Variants in COPG2 observed in about 807,000 individuals in gnomAD.
The protein encoded by COPG2 is coat protein complex I subunit gamma 2.
COPG2 carries 37 observed loss-of-function variants against 46.3 expected under a neutral mutation model. The observed-to-expected ratio is 0.80, with a 90% CI of 0.61 to 1.05. COPG2 has a LOEUF of 1.05. Ranked by LOEUF, COPG2 falls within the 50% of genes least tolerant of loss-of-function variation. The pLI, the probability that COPG2 is intolerant of heterozygous loss-of-function variation, is 0.00. For synonymous variants in COPG2, 159 were observed against 129.7 expected (o/e 1.23, Z -1.53); for missense variants, 427 against 387.8 (o/e 1.10, Z -0.85).
intron 9 of COPG2, among the ~76,000 whole-genome samples, chr7:130,579,737 C>A (rs1260131196): frequency 8.4e-4 from 127 of 150,788 alleles, no homozygotes; most frequent in African/African-American, 2.8e-3. Context: ...CAACAAAGAT[C>A]AAAAGAGACA....
At chr7:130,608,100 T>A in intron 9 of COPG2, 2 of 353,762 alleles carry the variant, frequency 5.7e-6, no homozygotes, top group African/African-American at 2.1e-5. Flanking sequence ...TCTGTTGACA[T>A]TTAAGATCTA....
rs1383760498 is a variant in COPG2, at chr7:130,531,810, C to T, written c.2149+15864G>A. On this transcript the variant is annotated intron_variant, in intron 20 of 23. Transcript: ENST00000425248. ...GGTGGTCGCAGGGAGTCAAGGTGGC[C>T]GTCCACAGCAGTGATTCTTATCTGG... Among the ~76,000 whole-genome samples the T allele has an allele frequency of 9.0e-3, 1,248 of 138,526 alleles. 4 individuals carry two copies. Among genetic ancestry groups the T allele is most frequent in the South Asian group, 0.014 (60 of 4,174 alleles). 90.9% of individuals were successfully genotyped at this position (138,526 alleles called of 152,430 possible). A position where few individuals can be genotyped will look rare whatever the true frequency, so the allele number is the denominator to read the frequency against.
At chr7:130,537,595 C>A (rs1799893767) in intron 20 of COPG2, among the ~76,000 whole-genome samples, 1 of 151,462 alleles carries the variant, frequency 6.6e-6, no homozygotes, top group African/African-American at 2.4e-5. Flanking sequence ...TATGGGAGAG[C>A]AGGACAGAGG....
rs996872310 is a variant in COPG2, at chr7:130,534,892, G to A, written c.2149+12782C>T. On this transcript the variant is annotated intron_variant, in intron 20 of 23. Transcript: ENST00000425248. ...GAAAGGAGGAAGAGGAGGAAGTAGC[G>A]GGACTGGCTATAGAGTTTTGTAGGA... 3.9e-5 allele frequency among the ~76,000 whole-genome samples: 6 copies of A among 152,048 alleles called. No homozygotes were observed. The South Asian group carries it at 1.0e-3, about 26-fold the overall frequency.
At chr7:130,659,629 G>A (rs552023711) in intron 4 of COPG2, among the ~76,000 whole-genome samples, 5 of 152,108 alleles carry the variant, frequency 3.3e-5, no homozygotes, top group Admixed American at 2.0e-4. Flanking sequence ...TATAAACACT[G>A]CAGGCTGGGT....
At chr7:130,639,184 C>A (rs1584600316) in intron 5 of COPG2, among the ~76,000 whole-genome samples, 1 of 152,334 alleles carries the variant, frequency 6.6e-6, no homozygotes, top group East Asian at 1.9e-4. Flanking sequence ...GGCCATCTTG[C>A]CAGCCACACC....
chr7:130,623,384 A>G (rs1795068687), intron 5 of COPG2, among the ~76,000 whole-genome samples: 1 of 152,146 alleles, frequency 6.6e-6, no homozygotes, highest in Non-Finnish European at 1.5e-5. Context: ...AGGTGACCAC[A>G]TTATAGAGTC....
intron 2 of COPG2, 28 bp from the exon 3 acceptor site, chr7:130,666,957 A>G (rs371888037): frequency 1.8e-5 from 22 of 1,223,256 alleles, no homozygotes; most frequent in East Asian, 1.2e-4. Flanking sequence ...AAACATTGCT[A>G]CTTTTCTACC....
intron 5 of COPG2, among the ~76,000 whole-genome samples, chr7:130,640,070 T>A (rs1795433547): frequency 6.6e-6 from 1 of 150,954 alleles, no homozygotes; most frequent in African/African-American, 2.4e-5. Context: ...AGGGCTGACC[T>A]CAGGACGGGA....
At chr7:130,663,096 A>G in intron 3 of COPG2, 58 bp from the exon 4 acceptor site, 1 of 811,176 alleles carries the variant, frequency 1.2e-6, no homozygotes, top group South Asian at 2.0e-5. Flanking sequence ...ATATATATGT[A>G]CATATACACA....
chr7:130,532,079 C>T (rs965290656), intron 20 of COPG2, among the ~76,000 whole-genome samples: 69 of 152,248 alleles, frequency 4.5e-4, no homozygotes, highest in African/African-American at 1.4e-3. Flanking sequence ...GATGGAGAGC[C>T]GGGCAGACAT....
rs145674223 is a variant in COPG2 at position 130,633,820 on chromosome 7, C to T, written c.324-16755G>A. The stretch of plus-strand genomic sequence containing the variant: ...ATGCCTATGTCCTGAATGGTATTAC[C>T]GAGGTTTTCTTCTAGGGTTTTTATG... On this transcript the variant is annotated intron_variant, in intron 5 of 23. Coordinates refer to ENST00000425248, the MANE Select transcript of COPG2 (RefSeq NM_012133.6). 8.7e-3 allele frequency among the ~76,000 whole-genome samples: 1,317 copies of T among 152,184 alleles called. 7 individuals are homozygous for T. The highest frequency in any genetic ancestry group is 0.012 in the Non-Finnish European group (849 of 68,010).
At chr7:130,545,740 T>C (rs1793432334) in intron 20 of COPG2, among the ~76,000 whole-genome samples, 1 of 151,554 alleles carries the variant, frequency 6.6e-6, no homozygotes. Context: ...AGCAAAAGAG[T>C]CCATAGCCAG....
intron 5 of COPG2, among the ~76,000 whole-genome samples, chr7:130,617,970 G>A (rs1372733893): frequency 2.0e-5 from 3 of 151,638 alleles, no homozygotes; most frequent in Admixed American, 6.6e-5. Context: ...GTGTTGTGGG[G>A]TGTGCCTGTA....
rs77564854 is a variant in COPG2, at chr7:130,509,435, G to A, written c.2150-776C>T. The A allele has an allele frequency of 7.6e-3, 2,973 of 393,042 alleles. 76 individuals are homozygous for A. Among genetic ancestry groups the A allele is most frequent in the African/African-American group, 0.058 (2,749 of 47,610 alleles). 24.3% of individuals were successfully genotyped at this position (393,042 alleles called of 1,614,324 possible). A position where few individuals can be genotyped will look rare whatever the true frequency, so the allele number is the denominator to read the frequency against. On this transcript the variant is annotated intron_variant, in intron 20 of 23. Transcript: ENST00000425248. ...GCATTTAGGATCTTGTCTATGGTCT[G>A]GAAAAAGCTTATAGGTACAAAAAAT... is the stretch of plus-strand genomic sequence containing the variant.
chr7:130,643,676 A>G (rs1206412114), intron 5 of COPG2, among the ~76,000 whole-genome samples: 1 of 152,128 alleles, frequency 6.6e-6, no homozygotes, highest in Non-Finnish European at 1.5e-5. Context: ...ATGAGTAACA[A>G]GCTACGCATC....
chr7:130,567,234 G>C (rs1793819346), intron 9 of COPG2, among the ~76,000 whole-genome samples: 1 of 152,198 alleles, frequency 6.6e-6, no homozygotes, highest in Non-Finnish European at 1.5e-5. Flanking sequence ...AGGCACTGGA[G>C]CCTACTTGAG....
intron 17 of COPG2, among the ~76,000 whole-genome samples, chr7:130,550,146 C>T (rs1415430748): frequency 3.3e-5 from 5 of 151,940 alleles, no homozygotes; most frequent in African/African-American, 1.2e-4. Context: ...CACGGTGGCT[C>T]CCGCCTGTAA....
chr7:130,603,603 C>A (rs1554450689), intron 9 of COPG2, among the ~76,000 whole-genome samples: 5 of 151,554 alleles, frequency 3.3e-5, no homozygotes, highest in African/African-American at 1.2e-4. Context: ...TGCCTGCAAT[C>A]TCAGCTACTG....
Sources: gnomAD v4.1 joint callset for allele counts (sites outside exome capture counted in the v4.1 genomes callset) on GRCh38, gnomAD v4.1.1 for gene constraint, MANE v1.5 for transcripts, NCBI Gene and HGNC (gene_info 2026-07-23, HGNC 2026-07-21) for gene names.